The following CCDC171 variants were observed in gnomAD, a reference collection of about 807,000 sequenced individuals.
CCDC171 encodes coiled-coil domain-containing protein 171.
In CCDC171, 177 loss-of-function variants were observed where a neutral mutation model predicts 168.2. That is an observed-to-expected ratio of 1.05 (90% confidence interval 0.93 to 1.19). The LOEUF is 1.19. Ranked by LOEUF, CCDC171 falls within the 50% of genes most tolerant of loss-of-function variation. The pLI, the probability that CCDC171 is intolerant of heterozygous loss-of-function variation, is 0.00. For missense variants in CCDC171, 1,991 were observed against 1,539.0 expected (o/e 1.29, Z -4.91); for synonymous variants, 687 against 540.8 (o/e 1.27, Z -3.75).
At chr9:15,707,565 T>C (rs770669998) in intron 11 of CCDC171, among the ~76,000 whole-genome samples, 10 of 152,224 alleles carry the variant, frequency 6.6e-5, no homozygotes, top group Non-Finnish European at 1.5e-4. Context: ...TTTTCTGCCT[T>C]CTTTTTATTT....
At chr9:15,899,785 A>AT (rs1277567395) in intron 24 of CCDC171, among the ~76,000 whole-genome samples, 1 of 151,770 alleles carries the variant, frequency 6.6e-6, no homozygotes, top group Admixed American at 6.6e-5. Context: ...GTTTGCAAAT[A>AT]TTTTTTCTCT....
chr9:15,633,715 A>G (rs866513910), intron 7 of CCDC171, among the ~76,000 whole-genome samples: 67 of 152,326 alleles, frequency 4.4e-4, no homozygotes, highest in African/African-American at 1.3e-3. Flanking sequence ...CTATACAGAC[A>G]CATGCACACG....
chr9:15,721,806 T>G lies in CCDC171; in HGVS notation c.1356T>G (p.Ser452=). The change falls in exon 12 of 26, where the codon TCT becomes TCG. Residue 452 remains serine (S), a synonymous_variant. Coordinates refer to ENST00000380701, the MANE Select transcript of CCDC171 (RefSeq NM_173550.4). The part of the protein sequence containing the change: ...HKDKDKPPSF[S]VVLERLRRTL... ...ACAAAGATAAACCTCCCAGCTTCTC[T>G]GTTGTCCTTGAGAGATTGAGGCGTA... 1 of 1,564,566 alleles carries G rather than the reference T, an allele frequency of 6.4e-7. No individual in the cohort carries two copies. The highest frequency in any genetic ancestry group is 8.7e-7 in the Non-Finnish European group (1 of 1,154,752).
rs765226823 is a variant in CCDC171, at chr9:15,920,421, C to T, written c.3752C>T (p.Ser1251Leu). Residue 1251 changes from serine to leucine, a missense_variant and splice_region_variant, in exon 25 of 26, where the codon TCA becomes TTA. Ser to Leu is a moderately radical substitution (Grantham distance 145). Coordinates refer to ENST00000380701, the MANE Select transcript of CCDC171 (RefSeq NM_173550.4). ...ACLRENASLQ[S>L]IGSRDHSNLS... ...TTACGTGAAAATGCAAGTTTACAAT[C>T]AGTAAGTCCTTGTCTAACAATATTT... 8.8e-6 allele frequency: 14 copies of T among 1,598,002 alleles called. No homozygotes were observed. The Admixed American group carries it at 2.2e-4, about 25-fold the overall frequency.
chr9:16,003,434 G>C (rs1282628165), intron 3 of CCDC171, among the ~76,000 whole-genome samples: 1 of 152,150 alleles, frequency 6.6e-6, no homozygotes, highest in African/African-American at 2.4e-5. Context: ...ATTGATTGGA[G>C]AAGTTAGAGA....
chr9:15,692,781 C>T lies in CCDC171; in HGVS notation c.1216-2454C>T, dbSNP rs568090948. Among the ~76,000 whole-genome samples, 34 of 151,510 alleles carry T rather than the reference C, an allele frequency of 2.2e-4. No homozygotes were observed. The East Asian group carries it at 6.4e-3, about 28-fold the overall frequency. ...TGACCTCGTGATCCACGCGCCTCGG[C>T]CTCCCAAAGTGCTGGGATTACAGGC... is the stretch of plus-strand genomic sequence containing the variant. On this transcript the variant is annotated intron_variant, in intron 10 of 25. Coordinates refer to ENST00000380701, the MANE Select transcript of CCDC171 (RefSeq NM_173550.4).
intron 16 of CCDC171, among the ~76,000 whole-genome samples, chr9:15,732,318 C>T (rs1051996191): frequency 2.6e-5 from 4 of 152,038 alleles, no homozygotes; most frequent in South Asian, 2.1e-4. Context: ...TTAGCTTTTA[C>T]GTCTAAGTTT....
Position 15,667,146 on chromosome 9 carries a change from T to C in CCDC171, c.1076+823T>C, listed in dbSNP as rs540148360. Among the ~76,000 whole-genome samples, 14 of 152,312 alleles carry C rather than the reference T, an allele frequency of 9.2e-5. No homozygotes were observed. The South Asian group carries it at 2.9e-3, about 32-fold the overall frequency. On this transcript the variant is annotated intron_variant, in intron 9 of 25. Transcript: ENST00000380701. Reference sequence around the variant, plus strand: ...ATTCTGTGAAATGATTTAAGAAGTTTATAATGCATTAATATGTTTCCAAAA... The same window carrying C: ...ATTCTGTGAAATGATTTAAGAAGTTCATAATGCATTAATATGTTTCCAAAA...
At chr9:15,596,215 T>C (rs2042342966) in intron 6 of CCDC171, among the ~76,000 whole-genome samples, 2 of 152,164 alleles carry the variant, frequency 1.3e-5, no homozygotes, top group African/African-American at 4.8e-5. Context: ...ATGAAGTCCT[T>C]GCCCATGCCT....
At chr9:15,595,272 A>T (rs1367661842) in intron 6 of CCDC171, among the ~76,000 whole-genome samples, 2 of 152,068 alleles carry the variant, frequency 1.3e-5, no homozygotes, top group Non-Finnish European at 2.9e-5. Context: ...AACATTAGGT[A>T]TATATCCTAA....
At chr9:15,618,434 GT>G (rs1178810965) in intron 6 of CCDC171, among the ~76,000 whole-genome samples, 1 of 152,206 alleles carries the variant, frequency 6.6e-6, no homozygotes, top group African/African-American at 2.4e-5. Flanking sequence ...TTTCAAGCCA[GT>G]GGTTCTTAGC....
At chr9:16,015,442 A>G (rs1278849381) in intron 3 of CCDC171, among the ~76,000 whole-genome samples, 2 of 152,138 alleles carry the variant, frequency 1.3e-5, no homozygotes, top group South Asian at 2.1e-4. Flanking sequence ...TTGTATTTAT[A>G]AAGACTACTA....
At chr9:16,044,015 G>A (rs1833614679) in intron 1 of CCDC171, among the ~76,000 whole-genome samples, 1 of 152,224 alleles carries the variant, frequency 6.6e-6, no homozygotes, top group South Asian at 2.1e-4. Flanking sequence ...TTCTGAGAAT[G>A]TGCAGAAACA....
intron 7 of CCDC171, among the ~76,000 whole-genome samples, chr9:15,648,303 C>G (rs1488088965): frequency 6.6e-6 from 1 of 152,158 alleles, no homozygotes; most frequent in Non-Finnish European, 1.5e-5. Context: ...ACTGAATGAG[C>G]AAAAACTGGA....
At position 15,637,335 on chromosome 9, in the gene CCDC171, G is replaced by A. The variant is rs139252417; in HGVS notation, c.822+13922G>A. 2.5e-3 allele frequency among the ~76,000 whole-genome samples: 377 copies of A among 152,152 alleles called. 1 individual carries two copies. Among genetic ancestry groups the A allele is most frequent in the Non-Finnish European group, 4.8e-3 (328 of 67,996 alleles). On this transcript the variant is annotated intron_variant, in intron 7 of 25. Transcript: ENST00000380701. Reference sequence around the variant, plus strand: ...AACCTAAACTTTAAGGTGTGGTTGTGCACAACCCGGTATTGACTTTTTTCT... The same window carrying A: ...AACCTAAACTTTAAGGTGTGGTTGTACACAACCCGGTATTGACTTTTTTCT...
intron 18 of CCDC171, among the ~76,000 whole-genome samples, chr9:15,748,939 A>T (rs1332850730): frequency 6.6e-6 from 1 of 152,172 alleles, no homozygotes; most frequent in Admixed American, 6.5e-5. Flanking sequence ...TAACATCATA[A>T]TGACAGGATC....
At chr9:15,984,920 A>C (rs1831936671) in intron 3 of CCDC171, among the ~76,000 whole-genome samples, 1 of 152,166 alleles carries the variant, frequency 6.6e-6, no homozygotes, top group Non-Finnish European at 1.5e-5. Context: ...TCTATTGGTA[A>C]TTTGAAGTAT....
chr9:15,978,179 G>A (rs762557680), downstream of CCDC171, among the ~76,000 whole-genome samples: 1 of 152,142 alleles, frequency 6.6e-6, no homozygotes, highest in Non-Finnish European at 1.5e-5. Context: ...TGAACTCATT[G>A]TAAATGCTTC....
At chr9:16,031,953 G>A (rs943789) in intron 6 of CCDC171, among the ~76,000 whole-genome samples, 56,336 of 152,058 alleles carry the variant, frequency 0.37, 12,286 homozygotes, top group East Asian at 0.63. Context: ...CCCACTGCTT[G>A]CTCTTCAGCA....
Sources: allele counts gnomAD v4.1 joint callset (sites outside exome capture counted in the v4.1 genomes callset), GRCh38; gene constraint gnomAD v4.1.1; transcripts MANE v1.5; gene names NCBI Gene and HGNC (gene_info 2026-07-23, HGNC 2026-07-21).